Variants in PEBP4 observed in about 807,000 individuals in gnomAD.
PEBP4 encodes phosphatidylethanolamine-binding protein 4.
In PEBP4, 22 loss-of-function variants were observed where a neutral mutation model predicts 23.9. The ratio of observed to expected loss-of-function variants is 0.92; its 90% CI spans 0.66 to 1.31. PEBP4 has a LOEUF of 1.31. PEBP4 is among the 40% of genes most tolerant of loss of function. PEBP4 has a pLI of 0.00. For synonymous variants in PEBP4, 112 were observed against 99.3 expected (o/e 1.13, Z -0.76); for missense variants, 324 against 281.7 (o/e 1.15, Z -1.07).
At chr8:22,932,512 G>A (rs900772012), upstream of PEBP4, among the ~76,000 whole-genome samples, 2 of 151,932 alleles carry the variant, frequency 1.3e-5, no homozygotes, top group Non-Finnish European at 2.9e-5. Flanking sequence ...CTCATGGAAA[G>A]CTAAACACAC....
chr8:22,890,340 G>T (rs117783527), intron 3 of PEBP4, among the ~76,000 whole-genome samples: 3 of 152,226 alleles, frequency 2.0e-5, no homozygotes, highest in Non-Finnish European at 2.9e-5. Context: ...AGGGAATGCC[G>T]ATGCTGCTGG....
At chr8:22,777,267 T>G (rs146518275) in intron 4 of PEBP4, among the ~76,000 whole-genome samples, 1 of 152,118 alleles carries the variant, frequency 6.6e-6, no homozygotes. Flanking sequence ...ACTTCCTCCA[T>G]CTGCATCATC....
At chr8:22,880,172 C>T (rs1235341494) in intron 3 of PEBP4, among the ~76,000 whole-genome samples, 6 of 152,110 alleles carry the variant, frequency 3.9e-5, no homozygotes, top group Non-Finnish European at 2.9e-5. Flanking sequence ...GGAGGGGTGA[C>T]AAAGCACAGG....
chr8:22,917,696 A>C (rs1809106943), intron 3 of PEBP4, among the ~76,000 whole-genome samples: 1 of 152,208 alleles, frequency 6.6e-6, no homozygotes, highest in Admixed American at 6.5e-5. Context: ...ACTTGCATTC[A>C]GGGCAACCAT....
chr8:22,820,480 C>A (rs1020807866), intron 3 of PEBP4, among the ~76,000 whole-genome samples: 2 of 152,130 alleles, frequency 1.3e-5, no homozygotes. Context: ...TCCCCTTGAC[C>A]GGGAGAGGCA....
intron 4 of PEBP4, among the ~76,000 whole-genome samples, chr8:22,737,154 C>G (rs533178457): frequency 6.6e-6 from 1 of 151,954 alleles, no homozygotes; most frequent in African/African-American, 2.4e-5. Flanking sequence ...ATTAGCAAGG[C>G]GTGGTGGCAG....
At chr8:22,783,431 C>A (rs1585270002) in intron 4 of PEBP4, among the ~76,000 whole-genome samples, 1 of 152,196 alleles carries the variant, frequency 6.6e-6, no homozygotes, top group Admixed American at 6.5e-5. Flanking sequence ...CCTGGAACTG[C>A]CCTGTAGGGG....
At chr8:22,787,989 G>A (rs575580222) in intron 4 of PEBP4, among the ~76,000 whole-genome samples, 1 of 152,162 alleles carries the variant, frequency 6.6e-6, no homozygotes, top group Non-Finnish European at 1.5e-5. Flanking sequence ...AGGGGGAGGC[G>A]TGCAACGGGC....
At chr8:22,812,234 C>T (rs1284703085) in intron 4 of PEBP4, among the ~76,000 whole-genome samples, 1 of 152,148 alleles carries the variant, frequency 6.6e-6, no homozygotes, top group African/African-American at 2.4e-5. Context: ...ATGTGCTACC[C>T]ACATAACTAG....
intron 3 of PEBP4, among the ~76,000 whole-genome samples, chr8:22,919,107 A>G (rs1809144550): frequency 6.6e-6 from 1 of 152,206 alleles, no homozygotes; most frequent in Non-Finnish European, 1.5e-5. Context: ...CAAAGAGAAG[A>G]GTCTATTCCC....
In PEBP4 at chr8:22,748,179, GGAGA is replaced by G; in HGVS notation, c.358-20963_358-20960del. Among the ~76,000 whole-genome samples the G allele has an allele frequency of 1.3e-5, 2 of 152,292 alleles. 1 individual carries two copies. Among genetic ancestry groups the G allele is most frequent in the Middle Eastern group, 6.8e-3 (2 of 294 alleles). On this transcript the variant is annotated intron_variant, in intron 4 of 6. Coordinates refer to ENST00000256404, the MANE Select transcript of PEBP4 (RefSeq NM_144962.3). ...TCTGCTTACAGATCTCCCCAGATCT[GGAGA>G]GAAAAGGGGAGCCCTTCTCCAAGAG... is the stretch of plus-strand genomic sequence containing the variant.
intron 4 of PEBP4, among the ~76,000 whole-genome samples, chr8:22,794,876 T>C (rs1806210870): frequency 6.6e-6 from 1 of 152,108 alleles, no homozygotes; most frequent in Non-Finnish European, 1.5e-5. Flanking sequence ...TTTAAATAGC[T>C]AATCCATTTA....
At chr8:22,768,870 C>A (rs1022641456) in intron 4 of PEBP4, among the ~76,000 whole-genome samples, 7 of 152,178 alleles carry the variant, frequency 4.6e-5, no homozygotes, top group South Asian at 2.1e-4. Flanking sequence ...GCCGAAGGAA[C>A]CGCCCGTTCC....
intron 4 of PEBP4, among the ~76,000 whole-genome samples, chr8:22,781,357 G>A (rs1201444348): frequency 6.6e-6 from 1 of 152,202 alleles, no homozygotes; most frequent in Non-Finnish European, 1.5e-5. Flanking sequence ...GCTGGGAGTG[G>A]GGAGGAGGGA....
rs905426668 is a variant in PEBP4 at position 22,925,656 on chromosome 8, G to A, written c.131+1928C>T. ...TGATCTTGGCAGGGCAGAGCCTAGG[G>A]CATCTGGAGCCTCAGGCTGGTCACC... On this transcript the variant is annotated intron_variant, in intron 2 of 6. Coordinates refer to ENST00000256404, the MANE Select transcript of PEBP4 (RefSeq NM_144962.3). Among the ~76,000 whole-genome samples the A allele has an allele frequency of 2.6e-5, 4 of 152,278 alleles. No individual in the cohort carries two copies. In the East Asian group the frequency reaches 7.7e-4, roughly 29 times the overall value.
chr8:22,752,735 C>T (rs189129354), intron 4 of PEBP4, among the ~76,000 whole-genome samples: 1 of 152,236 alleles, frequency 6.6e-6, no homozygotes, highest in Non-Finnish European at 1.5e-5. Flanking sequence ...CCCACCAAGG[C>T]AATGCCATTA....
intron 2 of PEBP4, 50 bp from the exon 3 acceptor site, chr8:22,920,360 T>G: frequency 6.3e-7 from 1 of 1,578,966 alleles, no homozygotes; most frequent in Non-Finnish European, 8.7e-7. Context: ...TAAGGGAGCC[T>G]GGGGTTCCCA....
At chr8:22,916,508 C>T (rs1809075684) in intron 3 of PEBP4, among the ~76,000 whole-genome samples, 1 of 152,298 alleles carries the variant, frequency 6.6e-6, no homozygotes, top group Admixed American at 6.5e-5. Context: ...GCTCACACCC[C>T]ACCCCTAGGG....
At chr8:22,834,446 A>G (rs1807157541) in intron 3 of PEBP4, among the ~76,000 whole-genome samples, 1 of 152,224 alleles carries the variant, frequency 6.6e-6, no homozygotes, top group Admixed American at 6.5e-5. Flanking sequence ...ACAAAGACAC[A>G]TCCTGGGCTG....
Sources: gnomAD v4.1 joint callset for allele counts (sites outside exome capture counted in the v4.1 genomes callset) on GRCh38, gnomAD v4.1.1 for gene constraint, MANE v1.5 for transcripts, NCBI Gene and HGNC (gene_info 2026-07-23, HGNC 2026-07-21) for gene names.